The following DNAAF1 variants were observed in gnomAD, a reference collection of about 807,000 sequenced individuals.
DNAAF1 encodes the protein dynein assembly factor 1, axonemal.
DNAAF1 carries 65 observed loss-of-function variants against 71.1 expected under a neutral mutation model. The observed-to-expected ratio is 0.91, with a 90% CI of 0.75 to 1.12. The LOEUF is 1.12. Among genes scored for constraint, DNAAF1 ranks in the 50% most tolerant of loss-of-function variants. The pLI, the probability that DNAAF1 is intolerant of heterozygous loss-of-function variation, is 0.00. For synonymous variants in DNAAF1, 414 were observed against 354.6 expected (o/e 1.17, Z -1.88); for missense variants, 1,178 against 899.8 (o/e 1.31, Z -3.96).
At position 84,154,613 on chromosome 16, in the gene DNAAF1, G is replaced by A. The variant is rs773892057; in HGVS notation, c.389G>A (p.Gly130Glu). ...ATTGAGAACCTGGAAGAGTACACAG[G>A]GCTGCGCTGTCTCTGGCTGCAGAGC... ...DRIENLEEYT[G>E]LRCLWLQSNG... The change falls in exon 4 of 12, where the codon GGG (glycine) becomes GAG (glutamate). Residue 130 changes from glycine to glutamate, a missense_variant. Coordinates refer to ENST00000378553, the MANE Select transcript of DNAAF1 (RefSeq NM_178452.6). 5.6e-6 allele frequency: 9 copies of A among 1,614,116 alleles called. No individual in the cohort carries two copies. The highest frequency in any genetic ancestry group is 7.6e-6 in the Non-Finnish European group (9 of 1,180,028).
chr16:84,163,132 T>A (rs2087794173), intron 6 of DNAAF1, among the ~76,000 whole-genome samples: 1 of 152,192 alleles, frequency 6.6e-6, no homozygotes, highest in African/African-American at 2.4e-5. Context: ...TGTTTTCACT[T>A]TTTGCCTGTT....
chr16:84,176,774 A>G, intron 11 of DNAAF1: 1 of 237,126 alleles, frequency 4.2e-6, no homozygotes, highest in South Asian at 5.9e-5. Flanking sequence ...GGTGAATCAC[A>G]GGCCAGTCCT....
chr16:84,176,356 T>G, intron 11 of DNAAF1, 57 bp downstream of exon 11: 1 of 1,610,280 alleles, frequency 6.2e-7, no homozygotes, highest in Non-Finnish European at 8.5e-7. Flanking sequence ...CGGCCTGGGA[T>G]GGGTGGGGCA....
intron 3 of DNAAF1, among the ~76,000 whole-genome samples, chr16:84,152,911 T>C (rs1221141610): frequency 6.6e-6 from 1 of 151,638 alleles, no homozygotes; most frequent in Non-Finnish European, 1.5e-5. Flanking sequence ...GAGCCGAGAT[T>C]GTGCAATTGC....
At position 84,172,270 on chromosome 16, in the gene DNAAF1, C is replaced by T. The variant is rs2088402653; in HGVS notation, c.1539C>T (p.Pro513=). 2.5e-6 allele frequency: 4 copies of T among 1,614,074 alleles called. No homozygotes were observed. In the South Asian group the frequency reaches 4.4e-5, roughly 18 times the overall value. Reference sequence around the variant, plus strand: ...GTTGTTGCTCTTTAGAACCGACTCCCCAGGCTGTGGCCACTGAGGGTGTAT... The same window carrying T: ...GTTGTTGCTCTTTAGAACCGACTCCTCAGGCTGTGGCCACTGAGGGTGTAT... ...PLGAAREEPT[P]QAVATEGVFV... is the part of the protein sequence containing the mutation. The change falls in exon 9 of 12, where the codon CCC becomes CCT. Residue 513 remains proline, a synonymous_variant. Transcript: ENST00000378553.
intron 9 of DNAAF1, chr16:84,174,220 G>A (rs1281557122): frequency 6.7e-6 from 7 of 1,043,548 alleles, no homozygotes; most frequent in Non-Finnish European, 8.1e-6. Flanking sequence ...GGTTGTTATG[G>A]ACAAAGATAC....
At chr16:84,172,535 G>T in intron 9 of DNAAF1, 160 bp downstream of exon 9, 1 of 1,466,946 alleles carries the variant, frequency 6.8e-7, no homozygotes, top group Non-Finnish European at 9.1e-7. Context: ...AGACTCCCAG[G>T]CCTCACCCCA....
rs752793016 is a variant in DNAAF1, at chr16:84,177,720, C to G, written c.2066-9C>G. ...AGGGAGAAAGCACAGGTCACCCTTC[C>G]TTCCACAGTGCCGACTGAGAGCGCC... On this transcript the variant is annotated splice_polypyrimidine_tract_variant and intron_variant, in intron 11 of 11. Transcript: ENST00000378553. 1 of 1,612,308 alleles carries G rather than the reference C, an allele frequency of 6.2e-7. No homozygotes were observed. The highest frequency in any genetic ancestry group is 1.1e-5 in the South Asian group (1 of 91,054).
intron 7 of DNAAF1, among the ~76,000 whole-genome samples, chr16:84,168,827 TACACACAC>T (rs55903132): frequency 2.7e-5 from 4 of 145,886 alleles, no homozygotes; most frequent in Admixed American, 6.9e-5. Flanking sequence ...ATTTGCCACA[TACACACAC>T]ACACACACAC....
chr16:84,152,104 T>C (rs1010417575), intron 3 of DNAAF1, among the ~76,000 whole-genome samples: 7 of 152,248 alleles, frequency 4.6e-5, no homozygotes, highest in African/African-American at 1.7e-4. Flanking sequence ...CTAAGAGGAC[T>C]GACCGTAGCG....
At position 84,154,713 on chromosome 16, in the gene DNAAF1, C is replaced by T. The variant is rs1597418016; in HGVS notation, c.489C>T (p.Leu163=). The change falls in exon 4 of 12, where the codon CTC becomes CTT. Residue 163 remains leucine (L), a synonymous_variant. Transcript: ENST00000378553. ...GCCTCTTCTTGCAAATGAACTTGCT[C>T]CGTAAAATTGAGAACCTGGAACCTC... ...LRCLFLQMNL[L]RKIENLEPLQ... The T allele has an allele frequency of 2.5e-6, 4 of 1,614,086 alleles. No homozygotes were observed. The highest frequency in any genetic ancestry group is 3.4e-6 in the Non-Finnish European group (4 of 1,180,022).
chr16:84,164,971 G>T (rs993335413), intron 6 of DNAAF1, among the ~76,000 whole-genome samples: 11 of 152,164 alleles, frequency 7.2e-5, no homozygotes, highest in African/African-American at 2.7e-4. Context: ...GCCATATCAT[G>T]TTATCTTATT....
intron 7 of DNAAF1, among the ~76,000 whole-genome samples, chr16:84,167,982 A>G (rs562560117): frequency 6.6e-6 from 1 of 150,980 alleles, no homozygotes; most frequent in South Asian, 2.1e-4. Context: ...GCACCATCGC[A>G]CTCCAGCCTG....
In DNAAF1 at chr16:84,176,189, A is replaced by T. The variant is rs758546540; in HGVS notation, c.1955A>T (p.Asp652Val). The change falls in exon 11 of 12, where the codon GAC (aspartate) becomes GTC (valine). Residue 652 changes from aspartate to valine, a missense_variant. Physicochemically the swap from Asp to Val is radical, Grantham distance 152. Coordinates refer to ENST00000378553, the MANE Select transcript of DNAAF1 (RefSeq NM_178452.6). The stretch of plus-strand genomic sequence containing the variant: ...AGACCCCTGATCCAGGAGCTCAGCG[A>T]CGAGGACCCCTCTGGCCAGCTACTG... ...SPRPLIQELSDEDPSGQLLMP... is the reference protein window; with the variant it reads ...SPRPLIQELSVEDPSGQLLMP... 1 of 1,613,986 alleles carries T rather than the reference A, an allele frequency of 6.2e-7. No homozygotes were observed.
chr16:84,154,084 G>T (rs764287200), intron 3 of DNAAF1, among the ~76,000 whole-genome samples: 3 of 152,200 alleles, frequency 2.0e-5, no homozygotes, highest in Non-Finnish European at 4.4e-5. Context: ...GTTCCTCCAA[G>T]AAAAGTTGCT....
chr16:84,154,858 G>A lies in DNAAF1; in HGVS notation c.574+60G>A, dbSNP rs1481371703. On this transcript the variant is annotated intron_variant, in intron 4 of 11. Coordinates refer to ENST00000378553, the MANE Select transcript of DNAAF1 (RefSeq NM_178452.6). ...CATATGTCCATCACCTTCCCCTGAG[G>A]GATGTTCTAAGCTTTTATATTATGG... The A allele has an allele frequency of 5.1e-6, 7 of 1,381,970 alleles. No homozygotes were observed. In the Middle Eastern group the frequency reaches 8.9e-4, roughly 176 times the overall value. 85.6% of individuals were successfully genotyped at this position (1,381,970 alleles called of 1,614,324 possible).
rs1180694877 is a variant in DNAAF1, at chr16:84,154,842, A to G, written c.574+44A>G. On this transcript the variant is annotated intron_variant, in intron 4 of 11. Transcript: ENST00000378553. ...CAGTGTGTCTGTTTGCCATATGTCC[A>G]TCACCTTCCCCTGAGGGATGTTCTA... The G allele has an allele frequency of 2.1e-6, 3 of 1,453,168 alleles. No individual in the cohort carries two copies. The East Asian group carries it at 6.8e-5, about 33-fold the overall frequency. 90.0% of individuals were successfully genotyped at this position (1,453,168 alleles called of 1,614,324 possible). A position where few individuals can be genotyped will look rare whatever the true frequency, so the allele number is the denominator to read the frequency against.
intron 3 of DNAAF1, among the ~76,000 whole-genome samples, chr16:84,153,712 C>G (rs181408047): frequency 6.6e-6 from 1 of 152,044 alleles, no homozygotes; most frequent in Non-Finnish European, 1.5e-5. Context: ...ACATTGATGA[C>G]GAGTTACTAA....
At chr16:84,173,480 G>A in intron 9 of DNAAF1, 1 of 983,438 alleles carries the variant, frequency 1.0e-6, no homozygotes, top group Non-Finnish European at 1.2e-6. Context: ...GAAAAAAAGA[G>A]TTAAAGTGAT....
Sources: gnomAD v4.1 joint callset for allele counts (sites outside exome capture counted in the v4.1 genomes callset) on GRCh38, gnomAD v4.1.1 for gene constraint, MANE v1.5 for transcripts, NCBI Gene and HGNC (gene_info 2026-07-23, HGNC 2026-07-21) for gene names.